The following PHIP variants were observed in gnomAD, a reference collection of about 807,000 sequenced individuals.
The protein encoded by PHIP is PH-interacting protein.
In PHIP, 54 loss-of-function variants were observed where a neutral mutation model predicts 236.8. The ratio of observed to expected loss-of-function variants is 0.23; its 90% CI spans 0.18 to 0.29. The LOEUF is 0.29. Among genes scored for constraint, PHIP ranks in the 10% least tolerant of loss-of-function variants. The pLI is 1.00. For missense variants in PHIP, 1,370 were observed against 2,190.8 expected (o/e 0.63, Z 7.48); for synonymous variants, 756 against 718.9 (o/e 1.05, Z -0.83).
intron 4 of PHIP, among the ~76,000 whole-genome samples, chr6:79,066,402 A>AT (rs1321154700): frequency 1.1e-4 from 16 of 152,282 alleles, no homozygotes; most frequent in Middle Eastern, 3.4e-3. Flanking sequence ...ATTTATTTAA[A>AT]AAGATATTGA....
At chr6:78,984,845 A>C (rs1480576022) in intron 22 of PHIP, among the ~76,000 whole-genome samples, 1 of 152,180 alleles carries the variant, frequency 6.6e-6, no homozygotes, top group Non-Finnish European at 1.5e-5. Flanking sequence ...TCTTTTTGCT[A>C]TTAAGACCTT....
At chr6:78,964,388 G>A (rs1766992179) in intron 29 of PHIP, among the ~76,000 whole-genome samples, 1 of 152,076 alleles carries the variant, frequency 6.6e-6, no homozygotes, top group Non-Finnish European at 1.5e-5. Flanking sequence ...AATAACTACT[G>A]AGCAACTCAA....
At chr6:78,966,645 A>G (rs554680110) in intron 27 of PHIP, among the ~76,000 whole-genome samples, 23 of 152,326 alleles carry the variant, frequency 1.5e-4, no homozygotes, top group Non-Finnish European at 2.9e-4. Flanking sequence ...CCTTGTGTCT[A>G]TTTCCTTATC....
intron 9 of PHIP, among the ~76,000 whole-genome samples, chr6:79,020,286 A>C (rs68099353): frequency 0.11 from 16,162 of 152,206 alleles, 888 homozygotes; most frequent in Middle Eastern, 0.19. Context: ...GAATGCAACA[A>C]AATGTTAAGA....
intron 4 of PHIP, among the ~76,000 whole-genome samples, chr6:79,062,332 A>G (rs933359732): frequency 1.1e-4 from 16 of 152,188 alleles, no homozygotes; most frequent in African/African-American, 3.6e-4. Flanking sequence ...TAGCTAAATT[A>G]AAAAGCATTT....
At chr6:78,990,772 C>A in intron 20 of PHIP, 96 bp downstream of exon 20, 3 of 584,622 alleles carry the variant, frequency 5.1e-6, no homozygotes, top group Non-Finnish European at 8.9e-6. Context: ...TATCATTAAC[C>A]TGTTTATAAT....
intron 29 of PHIP, among the ~76,000 whole-genome samples, chr6:78,964,594 G>C (rs1266259073): frequency 6.6e-6 from 1 of 152,152 alleles, no homozygotes; most frequent in African/African-American, 2.4e-5. Context: ...CCAGGTTCAA[G>C]TAATTTTCCT....
At position 78,946,208 on chromosome 6, in the gene PHIP, T is replaced by G. The variant is rs1279061435; in HGVS notation, c.4423A>C (p.Thr1475Pro). The change falls in exon 38 of 40, where the codon ACC becomes CCC. Residue 1475 changes from threonine to proline, a missense_variant. Thr to Pro is a conservative substitution (Grantham distance 38, BLOSUM62 -1). Transcript: ENST00000275034. The part of the protein sequence containing the change: ...LKPQLKSESS[T>P]SAFSTPTRSI... ...CGTGTAGGTGTAGAGAATGCAGAGG[T>G]AGAGCTTTCTGATTTTAGCTGGGGT... 3.1e-6 allele frequency: 5 copies of G among 1,612,786 alleles called. No homozygotes were observed. The South Asian group carries it at 5.5e-5, about 18-fold the overall frequency.
chr6:78,987,550 T>C (rs1472563280), intron 21 of PHIP, among the ~76,000 whole-genome samples: 1 of 152,110 alleles, frequency 6.6e-6, no homozygotes, highest in Non-Finnish European at 1.5e-5. Flanking sequence ...CAAAAGTGTA[T>C]AGTAGTCAAT....
chr6:79,041,554 GA>G (rs1188236611), intron 7 of PHIP, among the ~76,000 whole-genome samples: 2 of 151,844 alleles, frequency 1.3e-5, no homozygotes, highest in South Asian at 4.1e-4. Context: ...TACTGTTTTT[GA>G]AAGAATTCTT....
chr6:78,950,590 T>C (rs1774087839), intron 35 of PHIP, among the ~76,000 whole-genome samples: 1 of 152,192 alleles, frequency 6.6e-6, no homozygotes, highest in South Asian at 2.1e-4. Context: ...TATCGGTCTA[T>C]TTCATGTAAG....
intron 6 of PHIP, among the ~76,000 whole-genome samples, chr6:79,059,102 G>T (rs1426518074): frequency 6.6e-6 from 1 of 151,990 alleles, no homozygotes; most frequent in Non-Finnish European, 1.5e-5. Flanking sequence ...CCACCACGCA[G>T]ATATCACATA....
chr6:78,970,360 A>G (rs1767451202), intron 25 of PHIP, among the ~76,000 whole-genome samples, 187 bp from the exon 26 acceptor site: 1 of 152,128 alleles, frequency 6.6e-6, no homozygotes. Flanking sequence ...AGTTACAATG[A>G]AATTTTTAAA....
At chr6:79,072,356 A>AT (rs1773924833) in intron 4 of PHIP, among the ~76,000 whole-genome samples, 1 of 152,162 alleles carries the variant, frequency 6.6e-6, no homozygotes, top group Non-Finnish European at 1.5e-5. Context: ...CAGTAGCACA[A>AT]TTTTTCCAGA....
intron 32 of PHIP, chr6:78,957,239 ATC>A (rs1766478490): frequency 6.6e-6 from 1 of 152,032 alleles, no homozygotes; most frequent in Non-Finnish European, 1.5e-5. Flanking sequence ...TGAATATACT[ATC>A]TCATGTAGTT....
At chr6:78,944,156 T>C (rs1038323094) in intron 39 of PHIP, among the ~76,000 whole-genome samples, 2 of 151,736 alleles carry the variant, frequency 1.3e-5, no homozygotes, top group African/African-American at 4.8e-5. Flanking sequence ...GAACAAAGAC[T>C]CAGGAACTTC....
intron 23 of PHIP, among the ~76,000 whole-genome samples, chr6:78,981,283 A>C (rs1292541615): frequency 1.3e-5 from 2 of 152,020 alleles, no homozygotes; most frequent in Non-Finnish European, 1.5e-5. Flanking sequence ...ATCCCAACAT[A>C]AGATGACCCT....
At chr6:79,031,477 C>G (rs1383187532) in intron 7 of PHIP, among the ~76,000 whole-genome samples, 1 of 152,116 alleles carries the variant, frequency 6.6e-6, no homozygotes, top group Non-Finnish European at 1.5e-5. Flanking sequence ...AAGAGTACAT[C>G]TCTATACTTG....
chr6:78,939,625 A>G lies in PHIP; in HGVS notation c.*1068T>C, dbSNP rs1182535645. The stretch of plus-strand genomic sequence containing the variant: ...TAATTATACCCATTTATCAATATAT[A>G]CACATACACACACAGACACGTTTCT... On this transcript the variant is annotated 3_prime_UTR_variant, in exon 40 of 40. Transcript: ENST00000275034. 1 of 151,984 alleles carries G rather than the reference A, an allele frequency of 6.6e-6. No individual in the cohort carries two copies. The highest frequency in any genetic ancestry group is 1.5e-5 in the Non-Finnish European group (1 of 67,836). 9.4% of individuals were successfully genotyped at this position (151,984 alleles called of 1,614,324 possible). A position where few individuals can be genotyped will look rare whatever the true frequency, so the allele number is the denominator to read the frequency against.
Sources: allele counts gnomAD v4.1 joint callset (sites outside exome capture counted in the v4.1 genomes callset), GRCh38; gene constraint gnomAD v4.1.1; transcripts MANE v1.5; gene names NCBI Gene and HGNC (gene_info 2026-07-23, HGNC 2026-07-21).